The following NAALADL2 variants were observed in gnomAD, a reference collection of about 807,000 sequenced individuals.
NAALADL2 encodes inactive N-acetylated-alpha-linked acidic dipeptidase-like protein 2.
NAALADL2 carries 76 observed loss-of-function variants against 87.2 expected under a neutral mutation model. The ratio of observed to expected loss-of-function variants is 0.87; its 90% CI spans 0.72 to 1.05. NAALADL2 has a LOEUF of 1.05. NAALADL2 is among the 50% of genes least tolerant of loss of function. The probability of loss-of-function intolerance (pLI) is 0.00; values close to 1 mark genes in which losing one functional copy is unlikely to be tolerated. For synonymous variants in NAALADL2, 354 were observed against 331.0 expected (o/e 1.07, Z -0.75); for missense variants, 1,089 against 945.8 (o/e 1.15, Z -1.99).
At chr3:175,603,180 A>G (rs1723196999) in intron 10 of NAALADL2, among the ~76,000 whole-genome samples, 1 of 152,130 alleles carries the variant, frequency 6.6e-6, no homozygotes, top group South Asian at 2.1e-4. Context: ...TATAGCGTTT[A>G]TTTATCTACA....
At chr3:174,811,650 CT>C (rs1265146923) in intron 3 of NAALADL2, among the ~76,000 whole-genome samples, 1 of 151,994 alleles carries the variant, frequency 6.6e-6, no homozygotes, top group Non-Finnish European at 1.5e-5. Flanking sequence ...TCAGATGAGA[CT>C]TTGGACTTTT....
At chr3:175,354,910 A>G (rs1764178449) in intron 5 of NAALADL2, among the ~76,000 whole-genome samples, 1 of 150,308 alleles carries the variant, frequency 6.7e-6, no homozygotes, top group Non-Finnish European at 1.5e-5. Flanking sequence ...ACACATATAC[A>G]CACATATATA....
At chr3:175,230,838 A>T (rs954458509) in intron 2 of NAALADL2, among the ~76,000 whole-genome samples, 5 of 152,066 alleles carry the variant, frequency 3.3e-5, no homozygotes, top group East Asian at 1.9e-4. Context: ...TGTAATCAAA[A>T]ATCTTTTAAA....
intron 3 of NAALADL2, among the ~76,000 whole-genome samples, chr3:174,792,804 A>G (rs1261852706): frequency 6.6e-6 from 1 of 152,210 alleles, no homozygotes; most frequent in South Asian, 2.1e-4. Flanking sequence ...GTCTGGATTC[A>G]TAACTTCTAA....
At chr3:175,698,669 A>G (rs1029336234) in intron 11 of NAALADL2, among the ~76,000 whole-genome samples, 2 of 151,304 alleles carry the variant, frequency 1.3e-5, no homozygotes, top group Non-Finnish European at 3.0e-5. Flanking sequence ...AAATAAGTAG[A>G]ATTTAGAAGA....
intron 9 of NAALADL2, among the ~76,000 whole-genome samples, chr3:175,534,863 T>C (rs1053143690): frequency 6.6e-6 from 1 of 152,038 alleles, no homozygotes; most frequent in East Asian, 1.9e-4. Context: ...ACACAGCAGT[T>C]GCAGTAGTTC....
rs188276982 is a variant in NAALADL2, at chr3:175,004,080, C to T, written c.44-92710C>T. ...ACAGAGTGTACAGTAACCTTTTAAT[C>T]GAAACATAGCATTGGCCAGGAATGG... On this transcript the variant is annotated intron_variant, in intron 1 of 13. Transcript: ENST00000454872. 2.2e-4 allele frequency among the ~76,000 whole-genome samples: 34 copies of T among 152,132 alleles called. 1 individual carries two copies. Among genetic ancestry groups the T allele is most frequent in the Admixed American group, 7.9e-4 (12 of 15,264 alleles).
At chr3:174,569,657 T>C (rs1034853461) in intron 2 of NAALADL2, among the ~76,000 whole-genome samples, 1 of 152,162 alleles carries the variant, frequency 6.6e-6, no homozygotes, top group Non-Finnish European at 1.5e-5. Context: ...AATTTTGTTT[T>C]AGCAGGGAGT....
Position 175,524,063 on chromosome 3 carries a change from A to G in NAALADL2, c.1654-51978A>G, listed in dbSNP as rs377049495. ...AAAGCTTTCTCTGGAAAGTGATTTT[A>G]TGTGTTGTGGTGCTGTGAATGGTGC... On this transcript the variant is annotated intron_variant, in intron 9 of 13. Coordinates refer to ENST00000454872, the MANE Select transcript of NAALADL2 (RefSeq NM_207015.3). 5.3e-5 allele frequency among the ~76,000 whole-genome samples: 8 copies of G among 152,318 alleles called. No homozygotes were observed. The East Asian group carries it at 1.4e-3, about 26-fold the overall frequency.
In NAALADL2 at chr3:174,966,304, TG is replaced by T. The variant is rs1293578084; in HGVS notation, c.43+106856del. Among the ~76,000 whole-genome samples, 3 of 152,206 alleles carry T rather than the reference TG, an allele frequency of 2.0e-5. No individual in the cohort carries two copies. In the East Asian group the frequency reaches 5.8e-4, roughly 29 times the overall value. On this transcript the variant is annotated intron_variant, in intron 1 of 13. Transcript: ENST00000454872. ...TGGCCATAGGCTACATCCCCAATGA[TG>T]GCAAACCACAAAATATTTTCCATGG...
intron 2 of NAALADL2, among the ~76,000 whole-genome samples, chr3:174,648,955 G>A (rs1724078150): frequency 1.3e-5 from 2 of 151,888 alleles, no homozygotes; most frequent in Admixed American, 1.3e-4. Context: ...TTTTGTTTTT[G>A]TTTTTGTTTT....
At chr3:174,815,847 T>G (rs6794559) in intron 3 of NAALADL2, among the ~76,000 whole-genome samples, 1 of 145,836 alleles carries the variant, frequency 6.9e-6, no homozygotes, top group African/African-American at 2.5e-5. Flanking sequence ...TTTTTTTTTT[T>G]TTTTTTTTTT....
intron 13 of NAALADL2, among the ~76,000 whole-genome samples, chr3:175,772,540 A>G (rs146538402): frequency 6.6e-4 from 100 of 152,266 alleles, no homozygotes; most frequent in African/African-American, 2.0e-3. Context: ...GTTAGCACTG[A>G]TTTTCACTTT....
At position 175,429,276 on chromosome 3, in the gene NAALADL2, G is replaced by T. The variant is rs369556727; in HGVS notation, c.1091-17953G>T. Among the ~76,000 whole-genome samples the T allele has an allele frequency of 3.3e-5, 5 of 149,594 alleles. No individual in the cohort carries two copies. In the East Asian group the frequency reaches 9.8e-4, roughly 29 times the overall value. ...TTTAATTTCTCAATTTTTCAGATAC[G>T]CCCTGGGGAGAGCAGGAAAACCTAA... On this transcript the variant is annotated intron_variant, in intron 5 of 13. Coordinates refer to ENST00000454872, the MANE Select transcript of NAALADL2 (RefSeq NM_207015.3).
rs1269183312 is a variant in NAALADL2 at position 175,804,874 on chromosome 3, C to T, written c.*1671C>T. Reference sequence around the variant, plus strand: ...AATTCAAGCAGAAATCCATTTTCATCGAAATTGCCTGTGTGCACATATTTT... The same window carrying T: ...AATTCAAGCAGAAATCCATTTTCATTGAAATTGCCTGTGTGCACATATTTT... On this transcript the variant is annotated 3_prime_UTR_variant, in exon 14 of 14. Coordinates refer to ENST00000454872, the MANE Select transcript of NAALADL2 (RefSeq NM_207015.3). 6.6e-6 allele frequency: 1 copy of T among 151,808 alleles called. No individual in the cohort carries two copies. The highest frequency in any genetic ancestry group is 1.5e-5 in the Non-Finnish European group (1 of 67,864). The allele number at this position is 151,808 out of a possible 1,614,324, so 9.4% of individuals were successfully genotyped here.
At chr3:175,637,457 T>C (rs893434011) in intron 11 of NAALADL2, among the ~76,000 whole-genome samples, 3 of 152,138 alleles carry the variant, frequency 2.0e-5, no homozygotes, top group African/African-American at 7.2e-5. Flanking sequence ...GTGTTGGAGG[T>C]GTGGCTTCAT....
chr3:175,581,952 A>G (rs1284158642), intron 10 of NAALADL2, among the ~76,000 whole-genome samples: 1 of 152,198 alleles, frequency 6.6e-6, no homozygotes, highest in Non-Finnish European at 1.5e-5. Context: ...GAGTATTGCT[A>G]TCCCATTCAC....
intron 1 of NAALADL2, among the ~76,000 whole-genome samples, chr3:174,921,234 A>C (rs555113840): frequency 1.3e-5 from 2 of 152,326 alleles, no homozygotes; most frequent in South Asian, 2.1e-4. Flanking sequence ...AAAATGCAAA[A>C]AGTGAAGTTC....
chr3:175,168,249 G>A (rs370816618), intron 2 of NAALADL2, among the ~76,000 whole-genome samples: 1 of 151,812 alleles, frequency 6.6e-6, no homozygotes, highest in African/African-American at 2.4e-5. Flanking sequence ...CAAAACAAAG[G>A]CCACCTTAAG....
Sources: gnomAD v4.1 joint callset for allele counts (sites outside exome capture counted in the v4.1 genomes callset) on GRCh38, gnomAD v4.1.1 for gene constraint, MANE v1.5 for transcripts, NCBI Gene and HGNC (gene_info 2026-07-23, HGNC 2026-07-21) for gene names.